Variants in ESCO1 observed in about 807,000 individuals in gnomAD.
ESCO1 encodes the protein N-acetyltransferase ESCO1.
ESCO1 carries 33 observed loss-of-function variants against 83.5 expected under a neutral mutation model. The observed-to-expected ratio is 0.40, with a 90% CI of 0.30 to 0.53. The LOEUF is 0.53. Ranked by LOEUF, ESCO1 falls within the 20% of genes least tolerant of loss-of-function variation. ESCO1 has a pLI of 0.63. For missense variants in ESCO1, 855 were observed against 968.0 expected (o/e 0.88, Z 1.55); for synonymous variants, 332 against 324.3 (o/e 1.02, Z -0.25).
intron 1 of ESCO1, among the ~76,000 whole-genome samples, chr18:21,585,812 C>T (rs889734391): frequency 6.6e-5 from 10 of 152,034 alleles, no homozygotes; most frequent in African/African-American, 2.4e-4. Flanking sequence ...AAGCTGGTCT[C>T]AAACCCCCGG....
At chr18:21,592,391 C>A (rs1436500146) in intron 1 of ESCO1, among the ~76,000 whole-genome samples, 3 of 102,660 alleles carry the variant, frequency 2.9e-5, no homozygotes, top group Non-Finnish European at 6.4e-5. Context: ...ACCCCCCCCA[C>A]CTCCCTCCCA....
intron 1 of ESCO1, among the ~76,000 whole-genome samples, chr18:21,591,660 C>CTTTTTTTTT (rs34643359): frequency 7.1e-6 from 1 of 140,450 alleles, no homozygotes; most frequent in African/African-American, 2.7e-5. Flanking sequence ...ACCACAGATG[C>CTTTTTTTTT]TTTTTTTTTT....
At chr18:21,542,036 T>C (rs574514283) in intron 8 of ESCO1, among the ~76,000 whole-genome samples, 2 of 152,366 alleles carry the variant, frequency 1.3e-5, no homozygotes, top group Non-Finnish European at 2.9e-5. Context: ...GAAATTTTTA[T>C]CACAATTCCA....
intron 1 of ESCO1, among the ~76,000 whole-genome samples, chr18:21,585,478 A>G (rs2038562229): frequency 6.6e-6 from 1 of 152,120 alleles, no homozygotes. Context: ...TATAAGATCC[A>G]TTGCCGTAAA....
At chr18:21,594,925 CTGTGTGTGTGTG>C (rs35336026) in intron 1 of ESCO1, among the ~76,000 whole-genome samples, 21,261 of 143,738 alleles carry the variant, frequency 0.15, 1,693 homozygotes, top group Middle Eastern at 0.21. Flanking sequence ...TCTACAACTA[CTGTGTGTGTGTG>C]TGTGTGTGTG....
chr18:21,547,926 A>G (rs1471333513), intron 8 of ESCO1, among the ~76,000 whole-genome samples: 1 of 151,900 alleles, frequency 6.6e-6, no homozygotes, highest in Non-Finnish European at 1.5e-5. Flanking sequence ...ACAAGGTGAA[A>G]CCCTGTCTCT....
In ESCO1 at chr18:21,593,688, A is replaced by G. The variant is rs1056336599; in HGVS notation, c.-825+6935T>C. ...TACCAATTCTTAATGCATTTCAACT[A>G]TACAACCTTTTAACCACATCAAAGG... On this transcript the variant is annotated intron_variant, in intron 1 of 11. Transcript: ENST00000269214. Among the ~76,000 whole-genome samples, 3 of 150,740 alleles carry G rather than the reference A, an allele frequency of 2.0e-5. 1 individual carries two copies. Among genetic ancestry groups the G allele is most frequent in the Admixed American group, 1.3e-4 (2 of 15,080 alleles).
chr18:21,563,981 G>A (rs1196476509), intron 7 of ESCO1, among the ~76,000 whole-genome samples: 7 of 150,608 alleles, frequency 4.6e-5, no homozygotes, highest in Admixed American at 6.6e-5. Flanking sequence ...CCCTTACCAC[G>A]TGGTCTCTCT....
At position 21,548,856 on chromosome 18, in the gene ESCO1, CCT is replaced by C. The variant is rs77540064; in HGVS notation, c.1954-8849_1954-8848del. ...TTGGGAGACTCAGGCAGGAGGATCCCCTGAGCCCAGGAGTTCAAGGCAACAGT... is the reference window on the plus strand; with the variant it reads ...TTGGGAGACTCAGGCAGGAGGATCCCGAGCCCAGGAGTTCAAGGCAACAGT... On this transcript the variant is annotated intron_variant, in intron 8 of 11. Transcript: ENST00000269214. 2.5e-4 allele frequency among the ~76,000 whole-genome samples: 38 copies of C among 151,942 alleles called. No individual in the cohort carries two copies. The East Asian group carries it at 5.2e-3, about 21-fold the overall frequency.
At chr18:21,559,209 T>C (rs1350123955) in intron 8 of ESCO1, among the ~76,000 whole-genome samples, 2 of 152,146 alleles carry the variant, frequency 1.3e-5, no homozygotes, top group East Asian at 1.9e-4. Context: ...AATGGCCAAC[T>C]GCTAAACTCA....
At chr18:21,598,557 C>G (rs1057163897) in intron 1 of ESCO1, among the ~76,000 whole-genome samples, 1 of 152,070 alleles carries the variant, frequency 6.6e-6, no homozygotes, top group Non-Finnish European at 1.5e-5. Flanking sequence ...AAAAAATTAG[C>G]CGGGCATGGT....
intron 8 of ESCO1, among the ~76,000 whole-genome samples, chr18:21,545,022 A>T (rs557755537): frequency 1.3e-5 from 2 of 152,336 alleles, no homozygotes; most frequent in South Asian, 4.1e-4. Flanking sequence ...AGGTGCCAGT[A>T]ATGTTGCTTC....
At chr18:21,567,457 G>T (rs1020748633) in intron 5 of ESCO1, among the ~76,000 whole-genome samples, 2 of 151,560 alleles carry the variant, frequency 1.3e-5, no homozygotes, top group African/African-American at 4.9e-5. Context: ...GAGCCACCAC[G>T]ACCGGCCCAA....
At chr18:21,550,012 A>G (rs1376081614) in intron 8 of ESCO1, among the ~76,000 whole-genome samples, 1 of 152,136 alleles carries the variant, frequency 6.6e-6, no homozygotes, top group South Asian at 2.1e-4. Context: ...CTACTGTAGT[A>G]AGAAAACACC....
intron 8 of ESCO1, among the ~76,000 whole-genome samples, chr18:21,541,517 C>T (rs1221783426): frequency 2.0e-5 from 3 of 147,842 alleles, no homozygotes; most frequent in South Asian, 2.2e-4. Flanking sequence ...TGCTTGAACT[C>T]GGGAGGTGGA....
At chr18:21,577,130 G>A (rs990904893) in intron 2 of ESCO1, among the ~76,000 whole-genome samples, 3 of 151,446 alleles carry the variant, frequency 2.0e-5, no homozygotes, top group Admixed American at 6.6e-5. Context: ...CGAGGCAGGC[G>A]AATCACTTGT....
In ESCO1 at chr18:21,574,731, T is replaced by C; in HGVS notation, c.113A>G (p.Lys38Arg). 6.2e-7 allele frequency: 1 copy of C among 1,611,488 alleles called. No homozygotes were observed. The highest frequency in any genetic ancestry group is 8.5e-7 in the Non-Finnish European group (1 of 1,179,912). The change falls in exon 4 of 12, where the codon AAA becomes AGA. Residue 38 changes from lysine (K) to arginine (R), a missense_variant. Physicochemically the swap from Lys to Arg is conservative, Grantham distance 26. Coordinates refer to ENST00000269214, the MANE Select transcript of ESCO1 (RefSeq NM_052911.3). ...TTTTATAGTCTCCTTTGGACCTGAT[T>C]TTTTTGCTAGATTCTTTTGAGAATC... is the stretch of plus-strand genomic sequence containing the variant. ...IQDSQKNLAK[K>R]SGPKETIKSQ...
Position 21,574,520 on chromosome 18 carries a change from T to C in ESCO1, c.324A>G (p.Val108=). The part of the protein sequence containing the change: ...TKKKLSQKKL[V]HENPKANEQL... ...GTTCATTTGCTTTAGGGTTTTCATG[T>C]ACTAATTTTTTCTGAGATAATTTCT... The change falls in exon 4 of 12, where the codon GTA becomes GTG. Residue 108 remains valine (V), a synonymous_variant. Transcript: ENST00000269214. 1.2e-6 allele frequency: 2 copies of C among 1,613,878 alleles called. No individual in the cohort carries two copies. Among genetic ancestry groups the C allele is most frequent in the Non-Finnish European group, 1.7e-6 (2 of 1,179,960 alleles).
At chr18:21,564,084 G>T in intron 7 of ESCO1, 119 bp downstream of exon 7, 1 of 689,458 alleles carries the variant, frequency 1.5e-6, no homozygotes, top group Non-Finnish European at 2.4e-6. Context: ...AGAACCACAA[G>T]CCAAATAAAC....
Sources: allele counts gnomAD v4.1 joint callset (sites outside exome capture counted in the v4.1 genomes callset), GRCh38; gene constraint gnomAD v4.1.1; transcripts MANE v1.5; gene names NCBI Gene and HGNC (gene_info 2026-07-23, HGNC 2026-07-21).